Variants in FMNL2 observed in about 807,000 individuals in gnomAD.
FMNL2 encodes the protein formin-like protein 2.
Under a neutral mutation model 130.2 loss-of-function variants are expected in FMNL2, and 51 were observed. The ratio of observed to expected loss-of-function variants is 0.39; its 90% CI spans 0.31 to 0.49. The LOEUF is 0.49. Among genes scored for constraint, FMNL2 ranks in the 20% least tolerant of loss-of-function variants. The pLI, the probability that FMNL2 is intolerant of heterozygous loss-of-function variation, is 0.85. For missense variants in FMNL2, 977 were observed against 1,316.2 expected (o/e 0.74, Z 3.99); for synonymous variants, 465 against 467.1 (o/e 1.00, Z 0.06).
intron 1 of FMNL2, among the ~76,000 whole-genome samples, chr2:152,370,448 A>G (rs1417867393): frequency 1.3e-5 from 2 of 152,196 alleles, no homozygotes; most frequent in East Asian, 3.9e-4. Context: ...TGACAGTGGG[A>G]CACAAAAATT....
intron 1 of FMNL2, among the ~76,000 whole-genome samples, chr2:152,455,414 C>T (rs987187924): frequency 6.6e-6 from 1 of 152,002 alleles, no homozygotes; most frequent in African/African-American, 2.4e-5. Context: ...CGGGTGAAAC[C>T]ACCAGAGGAA....
intron 3 of FMNL2, among the ~76,000 whole-genome samples, chr2:152,545,997 T>A (rs73968064): frequency 0.035 from 5,361 of 152,288 alleles, 325 homozygotes; most frequent in African/African-American, 0.12. Context: ...ACAGCGCTGC[T>A]GCTGTTATTA....
At chr2:152,634,357 C>T (rs1422771702) in intron 21 of FMNL2, among the ~76,000 whole-genome samples, 2 of 152,132 alleles carry the variant, frequency 1.3e-5, no homozygotes, top group Non-Finnish European at 1.5e-5. Context: ...TGCTTGAACC[C>T]GGGAGGCAGA....
At chr2:152,638,635 G>C (rs147969520) in intron 23 of FMNL2, among the ~76,000 whole-genome samples, 3 of 152,318 alleles carry the variant, frequency 2.0e-5, no homozygotes, top group Non-Finnish European at 2.9e-5. Context: ...CTGGTAGAAG[G>C]AACGTCTGTG....
chr2:152,340,474 G>T (rs67688205), intron 1 of FMNL2, among the ~76,000 whole-genome samples: 22,674 of 152,166 alleles, frequency 0.15, 1,885 homozygotes, highest in Middle Eastern at 0.3. Flanking sequence ...AAGCCTTTTG[G>T]CATCTTCACT....
rs145420062 is a variant in FMNL2 at position 152,478,970 on chromosome 2, C to T, written c.118-42973C>T. ...TGTCCCACATTCTCAAGAAGAATAA[C>T]AAATAAGTTCTGAATGTATAAACTT... On this transcript the variant is annotated intron_variant, in intron 1 of 25. Transcript: ENST00000288670. 6.4e-3 allele frequency among the ~76,000 whole-genome samples: 968 copies of T among 152,082 alleles called. 13 individuals carry two copies. The highest frequency in any genetic ancestry group is 0.023 in the African/African-American group (938 of 41,482).
intron 9 of FMNL2, among the ~76,000 whole-genome samples, chr2:152,586,947 C>T (rs1174777132): frequency 6.6e-6 from 1 of 152,134 alleles, no homozygotes; most frequent in Non-Finnish European, 1.5e-5. Context: ...TCTGGGGCCT[C>T]ATCAGGGAAG....
intron 1 of FMNL2, among the ~76,000 whole-genome samples, chr2:152,362,229 T>C (rs980216107): frequency 2.6e-5 from 4 of 151,828 alleles, no homozygotes; most frequent in Non-Finnish European, 4.4e-5. Context: ...GGTTGCACAC[T>C]TGTGTTCTGA....
intron 11 of FMNL2, among the ~76,000 whole-genome samples, chr2:152,613,112 G>A (rs182937421): frequency 1.4e-4 from 21 of 152,262 alleles, no homozygotes; most frequent in African/African-American, 4.8e-4. Flanking sequence ...AGGGAGAGGC[G>A]TAATAGATTT....
At chr2:152,373,351 GA>G (rs1683991035) in intron 1 of FMNL2, among the ~76,000 whole-genome samples, 1 of 152,124 alleles carries the variant, frequency 6.6e-6, no homozygotes, top group African/African-American at 2.4e-5. Flanking sequence ...CAGTTGGGGG[GA>G]GTTTTAGTTT....
chr2:152,451,192 A>T (rs535772031), intron 1 of FMNL2, among the ~76,000 whole-genome samples: 2 of 152,152 alleles, frequency 1.3e-5, no homozygotes, highest in Admixed American at 1.3e-4. Context: ...TCTGTTGCCC[A>T]GGCTGGAGTG....
At chr2:152,510,929 A>G (rs1374049824) in intron 1 of FMNL2, among the ~76,000 whole-genome samples, 1 of 152,174 alleles carries the variant, frequency 6.6e-6, no homozygotes, top group African/African-American at 2.4e-5. Context: ...GTGTGTTTGG[A>G]TAGGGCAGAA....
intron 1 of FMNL2, among the ~76,000 whole-genome samples, chr2:152,434,973 C>G (rs1368024965): frequency 6.6e-6 from 1 of 151,958 alleles, no homozygotes; most frequent in African/African-American, 2.4e-5. Context: ...CCAGCAGGCT[C>G]TAGCACTCAA....
At chr2:152,451,479 G>A (rs1026106808) in intron 1 of FMNL2, among the ~76,000 whole-genome samples, 1 of 151,962 alleles carries the variant, frequency 6.6e-6, no homozygotes, top group African/African-American at 2.4e-5. Context: ...TCTTCAGCTT[G>A]AGGGGTCCAT....
intron 1 of FMNL2, among the ~76,000 whole-genome samples, chr2:152,425,936 C>G (rs1344864635): frequency 6.6e-6 from 1 of 152,152 alleles, no homozygotes; most frequent in East Asian, 1.9e-4. Context: ...GTTGCAGGAC[C>G]TTTTAGCAAT....
chr2:152,450,150 TAGAC>T (rs1688556500), intron 1 of FMNL2, among the ~76,000 whole-genome samples: 1 of 152,112 alleles, frequency 6.6e-6, no homozygotes, highest in Non-Finnish European at 1.5e-5. Flanking sequence ...AAAAAACAAT[TAGAC>T]AAATATATTG....
rs533044911 is a variant in FMNL2, at chr2:152,619,776, A to G, written c.1837+58A>G. 1.5e-5 allele frequency: 24 copies of G among 1,560,880 alleles called. No individual in the cohort carries two copies. The East Asian group carries it at 3.1e-4, about 20-fold the overall frequency. ...TATCAGAAATGCTGTCTTATCTCGG[A>G]GAGTTGAAGCTATTCTTTCAAAGTC... On this transcript the variant is annotated intron_variant, in intron 15 of 25. Coordinates refer to ENST00000288670, the MANE Select transcript of FMNL2 (RefSeq NM_052905.4).
chr2:152,336,967 C>T (rs549262023), intron 1 of FMNL2, among the ~76,000 whole-genome samples: 1 of 152,242 alleles, frequency 6.6e-6, no homozygotes, highest in South Asian at 2.1e-4. Flanking sequence ...CTGAGGTGTG[C>T]TCAGCTACAG....
At chr2:152,423,712 T>G (rs1447178084) in intron 1 of FMNL2, among the ~76,000 whole-genome samples, 1 of 152,148 alleles carries the variant, frequency 6.6e-6, no homozygotes, top group African/African-American at 2.4e-5. Flanking sequence ...TTTGATGGAC[T>G]TTTGCTTTCT....
Sources: allele counts gnomAD v4.1 joint callset (sites outside exome capture counted in the v4.1 genomes callset), GRCh38; gene constraint gnomAD v4.1.1; transcripts MANE v1.5; gene names NCBI Gene and HGNC (gene_info 2026-07-23, HGNC 2026-07-21).